Variants in EDIL3 observed in about 807,000 individuals in gnomAD.
The protein encoded by EDIL3 is EGF like and discoidin domains 3, also known as EGF-like repeat and discoidin I-like domain-containing protein 3.
In EDIL3, 37 loss-of-function variants were observed where a neutral mutation model predicts 67.4. The observed-to-expected ratio is 0.55, with a 90% confidence interval of 0.42 to 0.72. The LOEUF (loss-of-function observed/expected upper bound fraction) is 0.72, where lower values mean the gene tolerates loss of function less well. Among genes scored for constraint, EDIL3 ranks in the 30% least tolerant of loss-of-function variants. EDIL3 has a pLI of 0.00. For missense variants in EDIL3, 527 were observed against 586.3 expected (o/e 0.90, Z 1.04); for synonymous variants, 195 against 196.3 (o/e 0.99, Z 0.05).
intron 3 of EDIL3, among the ~76,000 whole-genome samples, chr5:84,222,859 C>T (rs34381178): frequency 0.67 from 101,804 of 151,448 alleles, 34,617 homozygotes; most frequent in East Asian, 0.85. Context: ...ATATGAGTTA[C>T]CTATATATTT....
Position 84,298,330 on chromosome 5 carries a change from G to A in EDIL3, c.68-44118C>T, listed in dbSNP as rs1248625528. ...AAGGAATGAGATCATGTCTTTTGCA[G>A]AGCCACTGATGAAGCTGGAAGTCAT... On this transcript the variant is annotated intron_variant, in intron 1 of 10. Transcript: ENST00000296591. 3.3e-5 allele frequency among the ~76,000 whole-genome samples: 5 copies of A among 152,108 alleles called. 1 individual carries two copies. The highest frequency in any genetic ancestry group is 1.9e-4 in the East Asian group (1 of 5,178).
chr5:84,118,773 C>G (rs1030408507), intron 5 of EDIL3, among the ~76,000 whole-genome samples: 1 of 152,126 alleles, frequency 6.6e-6, no homozygotes, highest in Non-Finnish European at 1.5e-5. Context: ...CAGTGGTGTA[C>G]AAATTTTGAT....
Position 84,288,344 on chromosome 5 carries a change from C to T in EDIL3, c.68-34132G>A, listed in dbSNP as rs545587385. On this transcript the variant is annotated intron_variant, in intron 1 of 10. Coordinates refer to ENST00000296591, the MANE Select transcript of EDIL3 (RefSeq NM_005711.5). ...CTTTTGCCTGGGTGACTGCAATAAC[C>T]TCATTTCTTTGCTTTTATTTTTGAT... Among the ~76,000 whole-genome samples, 6 of 152,266 alleles carry T rather than the reference C, an allele frequency of 3.9e-5. No individual in the cohort carries two copies. The South Asian group carries it at 1.0e-3, about 26-fold the overall frequency.
intron 9 of EDIL3, among the ~76,000 whole-genome samples, chr5:84,044,091 T>G (rs4235659): frequency 0.13 from 19,097 of 151,932 alleles, 1,951 homozygotes; most frequent in African/African-American, 0.28. Flanking sequence ...CTGTGTGTGA[T>G]GTCCCCCTCC....
At chr5:84,065,303 G>A (rs778401555) in intron 7 of EDIL3, among the ~76,000 whole-genome samples, 9 of 152,086 alleles carry the variant, frequency 5.9e-5, no homozygotes, top group Non-Finnish European at 1.0e-4. Context: ...TTTAAGGTTT[G>A]ACTCATGAAG....
Position 84,254,149 on chromosome 5 carries a change from C to A in EDIL3, c.131G>T (p.Gly44Val). 5.0e-6 allele frequency: 8 copies of A among 1,613,038 alleles called. No homozygotes were observed. The highest frequency in any genetic ancestry group is 6.8e-6 in the Non-Finnish European group (8 of 1,179,430). Reference protein sequence around the residue: ...GGICLPGLADGSFSCECPDGF... With the variant: ...GGICLPGLADVSFSCECPDGF... ...ATCTGGACACTCACAGGAAAAGGAA[C>A]CATCAGCCAATCCTGGCAAACAGAT... is the stretch of plus-strand genomic sequence containing the variant. Residue 44 changes from glycine (G) to valine (V), a missense_variant, in exon 2 of 11, where the codon GGT becomes GTT. By Grantham distance (109) the Gly-to-Val change is moderately radical (BLOSUM62 -3). Transcript: ENST00000296591.
chr5:84,020,038 TG>T (rs1432100035), intron 9 of EDIL3, among the ~76,000 whole-genome samples: 1 of 130,262 alleles, frequency 7.7e-6, no homozygotes, highest in Admixed American at 9.0e-5. Flanking sequence ...AGATTAATAA[TG>T]AATATCAGTG....
chr5:84,083,276 T>C (rs1747010444), intron 6 of EDIL3, among the ~76,000 whole-genome samples: 1 of 152,078 alleles, frequency 6.6e-6, no homozygotes, highest in Non-Finnish European at 1.5e-5. Flanking sequence ...TGGGGACTTC[T>C]TAGGGATAAC....
At chr5:84,294,487 T>G (rs144403440) in intron 1 of EDIL3, among the ~76,000 whole-genome samples, 252 of 149,116 alleles carry the variant, frequency 1.7e-3, no homozygotes, top group African/African-American at 6.0e-3. Context: ...TCATAAGAAA[T>G]AAAACATTTT....
intron 1 of EDIL3, among the ~76,000 whole-genome samples, chr5:84,301,173 C>T (rs535777572): frequency 9.3e-5 from 14 of 151,080 alleles, no homozygotes; most frequent in Admixed American, 4.6e-4. Context: ...GAGGCTGAGG[C>T]GGGAGAATCG....
intron 9 of EDIL3, among the ~76,000 whole-genome samples, chr5:84,014,518 G>A (rs541819213): frequency 1.5e-4 from 23 of 152,132 alleles, no homozygotes; most frequent in South Asian, 2.1e-4. Flanking sequence ...GATGACACGC[G>A]CCTGTAGATC....
At chr5:84,226,345 T>C (rs1446991198) in intron 3 of EDIL3, among the ~76,000 whole-genome samples, 1 of 151,628 alleles carries the variant, frequency 6.6e-6, no homozygotes, top group Non-Finnish European at 1.5e-5. Flanking sequence ...CAAACATGAA[T>C]AACAGCTATA....
chr5:84,103,991 G>A (rs992962327), intron 6 of EDIL3, among the ~76,000 whole-genome samples: 1 of 151,978 alleles, frequency 6.6e-6, no homozygotes, highest in Non-Finnish European at 1.5e-5. Flanking sequence ...TTGTAGACTG[G>A]GTAAAGAAAA....
At chr5:83,986,260 A>G (rs1279341809) in intron 9 of EDIL3, among the ~76,000 whole-genome samples, 5 of 152,160 alleles carry the variant, frequency 3.3e-5, no homozygotes, top group South Asian at 4.1e-4. Context: ...TTGCATATTG[A>G]TAAAATTCCA....
intron 5 of EDIL3, among the ~76,000 whole-genome samples, chr5:84,107,616 A>G (rs930504635): frequency 6.6e-6 from 1 of 151,370 alleles, no homozygotes; most frequent in Non-Finnish European, 1.5e-5. Flanking sequence ...AACTTAAGAA[A>G]ATTTTCCAAT....
intron 10 of EDIL3, among the ~76,000 whole-genome samples, chr5:83,944,829 T>C (rs570170511): frequency 1.3e-5 from 2 of 152,052 alleles, no homozygotes; most frequent in African/African-American, 4.8e-5. Context: ...TTGTTTGGCA[T>C]CAAAACATAA....
chr5:84,379,554 A>T (rs1748034701), intron 1 of EDIL3, among the ~76,000 whole-genome samples: 1 of 152,154 alleles, frequency 6.6e-6, no homozygotes, highest in Non-Finnish European at 1.5e-5. Context: ...TATGAAACTT[A>T]TAGTTCATAT....
chr5:84,197,383 G>A (rs1339856949), intron 3 of EDIL3, among the ~76,000 whole-genome samples: 5 of 151,912 alleles, frequency 3.3e-5, no homozygotes, highest in Admixed American at 2.6e-4. Context: ...TTAGGAAGGT[G>A]AGTTAGAGGT....
chr5:84,192,040 T>C (rs1743600343), intron 3 of EDIL3, among the ~76,000 whole-genome samples: 1 of 152,044 alleles, frequency 6.6e-6, no homozygotes, highest in African/African-American at 2.4e-5. Context: ...ACCAAGTAGT[T>C]ACTCATTAGT....
Sources: allele counts gnomAD v4.1 joint callset (sites outside exome capture counted in the v4.1 genomes callset), GRCh38; gene constraint gnomAD v4.1.1; transcripts MANE v1.5; gene names NCBI Gene and HGNC (gene_info 2026-07-23, HGNC 2026-07-21).